Variants in NRG2 observed in about 807,000 individuals in gnomAD.
The protein encoded by NRG2 is neuregulin 2.
A neutral mutation model predicts 73.9 loss-of-function variants in NRG2; 27 were observed. That is an observed-to-expected ratio of 0.37 (90% CI 0.27 to 0.50). The LOEUF (loss-of-function observed/expected upper bound fraction) is 0.50. Among genes scored for constraint, NRG2 ranks in the 20% least tolerant of loss-of-function variants. NRG2 has a pLI of 0.96. For missense variants in NRG2, 1,126 were observed against 1,210.1 expected (o/e 0.93, Z 1.03); for synonymous variants, 532 against 541.0 (o/e 0.98, Z 0.23).
intron 1 of NRG2, among the ~76,000 whole-genome samples, chr5:139,955,299 G>A (rs1222482112): frequency 6.6e-6 from 1 of 152,148 alleles, no homozygotes; most frequent in Non-Finnish European, 1.5e-5. Context: ...AGCCAAATAG[G>A]AGTTAGCAGA....
rs34122778 is a variant in NRG2 at position 140,029,687 on chromosome 5, C to CAAAAAAAAAAA, written c.700+12672_700+12682dup. 1.8e-3 allele frequency among the ~76,000 whole-genome samples: 108 copies of CAAAAAAAAAAA among 61,202 alleles called. 3 individuals are homozygous for CAAAAAAAAAAA. Among genetic ancestry groups the CAAAAAAAAAAA allele is most frequent in the South Asian group, 3.9e-3 (7 of 1,790 alleles). 40.2% of individuals were successfully genotyped at this position (61,202 alleles called of 152,430 possible). Reference sequence around the variant, plus strand: ...TGGGTGACAGAGCAAGACTCTGTCTCAAAAAAAAAAAAAAAAGCTCCAGCG... The same window carrying CAAAAAAAAAAA: ...TGGGTGACAGAGCAAGACTCTGTCTCAAAAAAAAAAAAAAAAAAAAAAAAAAAGCTCCAGCG... On this transcript the variant is annotated intron_variant, in intron 1 of 9. Coordinates refer to ENST00000361474, the MANE Select transcript of NRG2 (RefSeq NM_004883.3).
intron 1 of NRG2, among the ~76,000 whole-genome samples, chr5:139,955,308 G>C (rs1449041698): frequency 6.6e-6 from 1 of 152,176 alleles, no homozygotes; most frequent in Admixed American, 6.5e-5. Flanking sequence ...GGAGTTAGCA[G>C]AGTGGAGGGA....
At chr5:139,952,054 C>A (rs1299838419) in intron 1 of NRG2, among the ~76,000 whole-genome samples, 2 of 152,230 alleles carry the variant, frequency 1.3e-5, no homozygotes, top group Non-Finnish European at 2.9e-5. Flanking sequence ...AGGGATTTAA[C>A]CTTTCTGAGA....
intron 1 of NRG2, among the ~76,000 whole-genome samples, chr5:139,920,795 G>A (rs1751603380): frequency 6.6e-6 from 1 of 152,138 alleles, no homozygotes; most frequent in African/African-American, 2.4e-5. Flanking sequence ...ACAGCATATA[G>A]GAAAGCCCAA....
Position 139,848,319 on chromosome 5 carries a change from C to T in NRG2, c.2151G>A (p.Gln717=). Residue 717 remains glutamine (Q), a synonymous_variant, in exon 10 of 10, where the codon CAG becomes CAA. Coordinates refer to ENST00000361474, the MANE Select transcript of NRG2 (RefSeq NM_004883.3). The stretch of plus-strand genomic sequence containing the variant: ...GCGGCGGCGGCGGGGGCGCGCACTC[C>T]TGCGTGGTCTCGTACTCGTCGTCCT... ...IPEDDEYETT[Q]ECAPPPPPRP... The T allele has an allele frequency of 8.4e-7, 1 of 1,191,228 alleles. No homozygotes were observed. Among genetic ancestry groups the T allele is most frequent in the Non-Finnish European group, 1.0e-6 (1 of 963,296 alleles). The allele number at this position is 1,191,228 out of a possible 1,614,324, so 73.8% of individuals were successfully genotyped here. A position where few individuals can be genotyped will look rare whatever the true frequency, so the allele number is the denominator to read the frequency against.
intron 1 of NRG2, among the ~76,000 whole-genome samples, chr5:139,970,369 T>C (rs1205984172): frequency 6.6e-6 from 1 of 152,020 alleles, no homozygotes; most frequent in African/African-American, 2.4e-5. Context: ...TCAAGTCAGG[T>C]TGATAAAACC....
intron 9 of NRG2, among the ~76,000 whole-genome samples, chr5:139,849,362 A>C (rs1336493960): frequency 6.6e-6 from 1 of 152,150 alleles, no homozygotes; most frequent in Non-Finnish European, 1.5e-5. Context: ...CCATGCCCTG[A>C]TGGCTTCAGT....
At chr5:140,007,756 G>A (rs1417600318) in intron 1 of NRG2, among the ~76,000 whole-genome samples, 1 of 152,198 alleles carries the variant, frequency 6.6e-6, no homozygotes, top group Non-Finnish European at 1.5e-5. Context: ...ACTTATCCAG[G>A]GGTTTCAAGG....
At chr5:139,966,690 C>G (rs984407731) in intron 1 of NRG2, among the ~76,000 whole-genome samples, 1 of 151,998 alleles carries the variant, frequency 6.6e-6, no homozygotes, top group African/African-American at 2.4e-5. Flanking sequence ...TTGGCATGGT[C>G]AGGGGTGATG....
At chr5:139,859,820 C>T (rs1289515525) in intron 5 of NRG2, 5 of 1,518,278 alleles carry the variant, frequency 3.3e-6, no homozygotes, top group Non-Finnish European at 3.6e-6. Context: ...ACATTCAGCA[C>T]ACATGGCATC....
At chr5:139,859,944 G>C (rs374772598) in intron 5 of NRG2, 5 of 1,610,754 alleles carry the variant, frequency 3.1e-6, no homozygotes, top group Non-Finnish European at 8.5e-7. Flanking sequence ...GGTCACAAAG[G>C]GAGGGGTGGA....
intron 4 of NRG2, among the ~76,000 whole-genome samples, chr5:139,867,978 C>G (rs964904388): frequency 6.6e-6 from 1 of 152,062 alleles, no homozygotes; most frequent in Admixed American, 6.5e-5. Flanking sequence ...TCCCTGTGGC[C>G]CTTATCTCAC....
chr5:139,912,033 G>C (rs891034690), intron 1 of NRG2, among the ~76,000 whole-genome samples: 1 of 152,104 alleles, frequency 6.6e-6, no homozygotes, highest in Non-Finnish European at 1.5e-5. Flanking sequence ...GTTGTCCCCC[G>C]CTGTGGCTCC....
At chr5:139,994,679 T>C (rs1403971839) in intron 1 of NRG2, among the ~76,000 whole-genome samples, 1 of 152,206 alleles carries the variant, frequency 6.6e-6, no homozygotes, top group East Asian at 1.9e-4. Context: ...AATGAAGTGG[T>C]ATAGACTTGT....
chr5:139,855,669 C>A lies in NRG2; in HGVS notation c.1292+7G>T. ...GCCTGTCCCCAGCTTGAGTGACTGA[C>A]ACTCACTTGGTCTTGCAGTAGGCCA... is the stretch of plus-strand genomic sequence containing the variant. On this transcript the variant is annotated splice_region_variant and intron_variant, in intron 6 of 9. Transcript: ENST00000361474. The A allele has an allele frequency of 6.2e-7, 1 of 1,612,254 alleles. No homozygotes were observed. Among genetic ancestry groups the A allele is most frequent in the Non-Finnish European group, 8.5e-7 (1 of 1,178,422 alleles).
chr5:139,874,886 G>A (rs1561645472), intron 3 of NRG2, among the ~76,000 whole-genome samples: 1 of 152,190 alleles, frequency 6.6e-6, no homozygotes, highest in Non-Finnish European at 1.5e-5. Context: ...AATACAACAA[G>A]TGTCTCAGGG....
intron 1 of NRG2, among the ~76,000 whole-genome samples, chr5:140,038,173 G>T (rs1394530433): frequency 6.6e-6 from 1 of 151,990 alleles, no homozygotes; most frequent in Non-Finnish European, 1.5e-5. Flanking sequence ...AAATTAAAAT[G>T]CCCTAGATAA....
rs61730781 is a variant in NRG2, at chr5:139,851,690, G to A, written c.1686C>T (p.Ala562=). The change falls in exon 9 of 10, where the codon GCC becomes GCT. Residue 562 remains alanine (A), a synonymous_variant. Transcript: ENST00000361474. This position sits in a 1 kb window ranked among gnomAD's most constrained non-coding sequence, Gnocchi z 4.2. The stretch of plus-strand genomic sequence containing the variant: ...CCCTGCGCCGCTCCTCCAGGTTGTA[G>A]GCTGCTGCCCGCCTTGCCCGGGCCT... The part of the protein sequence containing the change: ...CVEARARRAA[A]YNLEERRRAT... 2.5e-3 allele frequency: 4,053 copies of A among 1,614,164 alleles called. 65 individuals are homozygous for A. The African/African-American group carries it at 0.04, about 16-fold the overall frequency.
At chr5:139,960,017 A>G (rs889309790) in intron 1 of NRG2, among the ~76,000 whole-genome samples, 1 of 152,196 alleles carries the variant, frequency 6.6e-6, no homozygotes, top group Non-Finnish European at 1.5e-5. Context: ...TTTGTCAAAT[A>G]GGAATCTCCT....
Sources: allele counts gnomAD v4.1 joint callset (sites outside exome capture counted in the v4.1 genomes callset), GRCh38; gene constraint gnomAD v4.1.1; non-coding constraint Gnocchi (gnomAD v3.1); transcripts MANE v1.5; gene names NCBI Gene and HGNC (gene_info 2026-07-23, HGNC 2026-07-21).